The following HK2 variants were observed in gnomAD, a reference collection of about 807,000 sequenced individuals.
The protein encoded by HK2 is hexokinase-2.
HK2 carries 42 observed loss-of-function variants against 92.9 expected under a neutral mutation model. That is an observed-to-expected ratio of 0.45 (90% CI 0.35 to 0.58). The LOEUF is 0.58. HK2 is among the 20% of genes least tolerant of loss of function. The pLI, the probability that HK2 is intolerant of heterozygous loss-of-function variation, is 0.00. For missense variants in HK2, 978 were observed against 1,245.1 expected (o/e 0.79, Z 3.23); for synonymous variants, 422 against 468.0 (o/e 0.90, Z 1.27).
At chr2:74,870,008 T>C (rs1178472387) in intron 3 of HK2, among the ~76,000 whole-genome samples, 1 of 149,144 alleles carries the variant, frequency 6.7e-6, no homozygotes, top group East Asian at 1.9e-4. Context: ...TTTCTTTTTT[T>C]TTTTTTTTTT....
At chr2:74,870,109 A>G (rs1299204786) in intron 3 of HK2, among the ~76,000 whole-genome samples, 3 of 150,844 alleles carry the variant, frequency 2.0e-5, no homozygotes, top group African/African-American at 7.3e-5. Context: ...CCCAGGTTCA[A>G]GCGATTCTCC....
rs1300549225 is a variant in HK2, at chr2:74,837,645, G to A, written c.63+3002G>A. On this transcript the variant is annotated intron_variant, in intron 1 of 17. Transcript: ENST00000290573. Reference sequence around the variant, plus strand: ...ATCCTTTCATTCCTCTGTCCTGCCTGTTCACACTAGGTCCTTTTGCCCTTG... The same window carrying A: ...ATCCTTTCATTCCTCTGTCCTGCCTATTCACACTAGGTCCTTTTGCCCTTG... Among the ~76,000 whole-genome samples, 5 of 143,296 alleles carry A rather than the reference G, an allele frequency of 3.5e-5. No individual in the cohort carries two copies. In the South Asian group the frequency reaches 8.9e-4, roughly 26 times the overall value. The allele number at this position is 143,296 out of a possible 152,430, so 94.0% of individuals were successfully genotyped here. A position where few individuals can be genotyped will look rare whatever the true frequency, so the allele number is the denominator to read the frequency against.
chr2:74,867,846 G>A, intron 3 of HK2, 62 bp downstream of exon 3: 1 of 1,593,708 alleles, frequency 6.3e-7, no homozygotes, highest in South Asian at 1.1e-5. Context: ...TGTTCTTTCT[G>A]TACTTTCTCC....
At chr2:74,874,125 A>G (rs572619449) in intron 6 of HK2, 141 bp from the exon 7 acceptor site, 117 of 1,090,344 alleles carry the variant, frequency 1.1e-4, no homozygotes, top group Middle Eastern at 2.6e-4. Flanking sequence ...AGATTAGACC[A>G]TGTATTGTGA....
chr2:74,878,085 C>G (rs1338099567), intron 8 of HK2, among the ~76,000 whole-genome samples: 1 of 152,158 alleles, frequency 6.6e-6, no homozygotes, highest in Non-Finnish European at 1.5e-5. Context: ...CAAGGTGATG[C>G]AAGATTTAGT....
intron 1 of HK2, among the ~76,000 whole-genome samples, chr2:74,837,172 G>A (rs1225633970): frequency 1.3e-5 from 2 of 152,236 alleles, no homozygotes; most frequent in Non-Finnish European, 1.5e-5. Context: ...TAGCATCCCT[G>A]TTTAACTGAG....
intron 12 of HK2, among the ~76,000 whole-genome samples, chr2:74,883,464 T>C (rs1047315929): frequency 1.3e-5 from 2 of 152,236 alleles, no homozygotes. Context: ...GAGGGTCATG[T>C]AGGTGGGAGC....
chr2:74,870,135 A>G (rs1220077676), intron 3 of HK2, among the ~76,000 whole-genome samples: 1 of 151,214 alleles, frequency 6.6e-6, no homozygotes, highest in African/African-American at 2.4e-5. Context: ...CAGCCTCCCG[A>G]GTAGCTGGGA....
intron 1 of HK2, among the ~76,000 whole-genome samples, chr2:74,853,478 C>G (rs1353537204): frequency 6.6e-6 from 1 of 151,848 alleles, no homozygotes; most frequent in South Asian, 2.1e-4. Flanking sequence ...GATTGCGCCA[C>G]TCTACTCCAG....
chr2:74,854,719 A>G (rs915162616), intron 2 of HK2, among the ~76,000 whole-genome samples: 2 of 152,158 alleles, frequency 1.3e-5, no homozygotes, highest in Non-Finnish European at 2.9e-5. Context: ...TGTGCTGAGA[A>G]AGGCTGCTTG....
At chr2:74,869,130 AAC>A (rs1394046365) in intron 3 of HK2, among the ~76,000 whole-genome samples, 5 of 152,166 alleles carry the variant, frequency 3.3e-5, no homozygotes, top group Non-Finnish European at 5.9e-5. Context: ...TAAAAAAAAA[AAC>A]AACTATGAGA....
intron 3 of HK2, among the ~76,000 whole-genome samples, chr2:74,871,014 C>T (rs1204004111): frequency 6.6e-6 from 1 of 152,196 alleles, no homozygotes; most frequent in Non-Finnish European, 1.5e-5. Flanking sequence ...ACAGGTCTGT[C>T]AGTTTCCCTC....
At chr2:74,843,498 C>G (rs372649173) in intron 1 of HK2, among the ~76,000 whole-genome samples, 11 of 152,170 alleles carry the variant, frequency 7.2e-5, no homozygotes, top group Non-Finnish European at 4.4e-5. Flanking sequence ...AGATGGATCT[C>G]TAAGCATTTC....
At chr2:74,881,935 G>A in intron 11 of HK2, 76 bp downstream of exon 11, 1 of 1,548,494 alleles carries the variant, frequency 6.5e-7, no homozygotes, top group South Asian at 1.1e-5. Flanking sequence ...TGCTTTCTCT[G>A]CTCATCTGTG....
chr2:74,890,921 C>T lies in HK2; in HGVS notation c.2734C>T (p.Arg912Cys), dbSNP rs188009487. The T allele has an allele frequency of 1.3e-5, 21 of 1,614,192 alleles. No homozygotes were observed. Among genetic ancestry groups the T allele is most frequent in the South Asian group, 8.8e-5 (8 of 91,076 alleles). Residue 912 changes from arginine to cysteine, a missense_variant, in exon 18 of 18, where the codon CGT becomes TGT. By Grantham distance (180) the Arg-to-Cys change is radical (BLOSUM62 -3). Coordinates refer to ENST00000290573, the MANE Select transcript of HK2 (RefSeq NM_000189.5). ...CATCACTGCTGTGGCCTGCCGCATC[C>T]GTGAGGCTGGACAGCGATAGAACCC... ...ALITAVACRI[R>C]EAGQR
intron 7 of HK2, among the ~76,000 whole-genome samples, chr2:74,875,158 G>A (rs1186451049): frequency 6.6e-6 from 1 of 152,072 alleles, no homozygotes; most frequent in Admixed American, 6.5e-5. Context: ...CTTGAAACAG[G>A]GATTGCTTCA....
At chr2:74,889,182 T>C in intron 16 of HK2, 63 bp from the exon 17 acceptor site, 1 of 1,343,538 alleles carries the variant, frequency 7.4e-7, no homozygotes, top group Non-Finnish European at 1.1e-6. Flanking sequence ...CAGGCCCTGG[T>C]GTGGTAGGCT....
intron 9 of HK2, 136 bp from the exon 10 acceptor site, chr2:74,880,129 A>G: frequency 1.1e-6 from 1 of 900,184 alleles, no homozygotes; most frequent in South Asian, 1.3e-5. Flanking sequence ...CAGTGGAGAG[A>G]GGATGTTTAG....
At chr2:74,878,453 G>C in intron 8 of HK2, among the ~76,000 whole-genome samples, 1 of 151,344 alleles carries the variant, frequency 6.6e-6, no homozygotes, top group East Asian at 1.9e-4. Flanking sequence ...ACGCACATGC[G>C]TGTGCGTGTG....
Sources: gnomAD v4.1 joint callset for allele counts (sites outside exome capture counted in the v4.1 genomes callset) on GRCh38, gnomAD v4.1.1 for gene constraint, MANE v1.5 for transcripts, NCBI Gene and HGNC (gene_info 2026-07-23, HGNC 2026-07-21) for gene names.